Variants in PTPN4 observed in about 807,000 individuals in gnomAD.
PTPN4 encodes the protein protein tyrosine phosphatase non-receptor type 4.
A neutral mutation model predicts 135.5 loss-of-function variants in PTPN4; 49 were observed. The observed-to-expected ratio is 0.36, with a 90% CI of 0.29 to 0.46. The LOEUF is 0.46. Ranked by LOEUF, PTPN4 falls within the 20% of genes least tolerant of loss-of-function variation. The probability of loss-of-function intolerance (pLI) is 1.00; values close to 1 mark genes in which losing one functional copy is unlikely to be tolerated. For missense variants in PTPN4, 860 were observed against 1,101.0 expected, an observed-to-expected ratio of 0.78 and a Z score of 3.10; for synonymous variants, 333 against 369.9, an observed-to-expected ratio of 0.90 and a Z score of 1.14.
chr2:119,766,878 G>A (rs977273991), intron 1 of PTPN4, among the ~76,000 whole-genome samples: 1 of 152,152 alleles, frequency 6.6e-6, no homozygotes, highest in East Asian at 1.9e-4. Flanking sequence ...ATGATGCTAG[G>A]ATTTCTTCTT....
chr2:119,894,927 C>G (rs1484809772), intron 9 of PTPN4, among the ~76,000 whole-genome samples: 1 of 152,164 alleles, frequency 6.6e-6, no homozygotes. Context: ...AGTGGACACT[C>G]TAATACATTG....
chr2:119,846,951 G>A (rs1186393923), intron 2 of PTPN4, among the ~76,000 whole-genome samples: 1 of 150,930 alleles, frequency 6.6e-6, no homozygotes, highest in Non-Finnish European at 1.5e-5. Flanking sequence ...AATATATTCT[G>A]TAAAATTATT....
At position 119,809,891 on chromosome 2, in the gene PTPN4, A is replaced by G. The variant is rs1488003248; in HGVS notation, c.38A>G (p.Tyr13Cys). Residue 13 changes from tyrosine to cysteine, a missense_variant, in exon 2 of 27, where the codon TAC becomes TGC. Transcript: ENST00000263708. ...SRFRLPAGRTYNVRASELARD... is the reference protein window; with the variant it reads ...SRFRLPAGRTCNVRASELARD... Reference sequence around the variant, plus strand: ...TTCCGATTGCCTGCTGGCAGAACCTACAATGTACGAGCATCAGAGTTGGCC... The same window carrying G: ...TTCCGATTGCCTGCTGGCAGAACCTGCAATGTACGAGCATCAGAGTTGGCC... The G allele has an allele frequency of 6.2e-7, 1 of 1,613,370 alleles. No homozygotes were observed. The highest frequency in any genetic ancestry group is 1.3e-5 in the African/African-American group (1 of 74,934).
chr2:119,973,401 G>T (rs1343574457), intron 26 of PTPN4, among the ~76,000 whole-genome samples: 1 of 152,056 alleles, frequency 6.6e-6, no homozygotes, highest in African/African-American at 2.4e-5. Context: ...AGTGGACAGG[G>T]TTGCTTTTGC....
At chr2:119,886,128 G>A (rs570515802) in intron 9 of PTPN4, among the ~76,000 whole-genome samples, 5 of 152,230 alleles carry the variant, frequency 3.3e-5, no homozygotes, top group African/African-American at 1.2e-4. Flanking sequence ...CAGACCGTAA[G>A]ATATAGTACC....
At chr2:119,785,222 A>C (rs1405306868) in intron 1 of PTPN4, among the ~76,000 whole-genome samples, 1 of 152,118 alleles carries the variant, frequency 6.6e-6, no homozygotes, top group Non-Finnish European at 1.5e-5. Flanking sequence ...CTGTTTGAGA[A>C]CCACTGCTCT....
intron 10 of PTPN4, among the ~76,000 whole-genome samples, chr2:119,907,115 A>G (rs1214246859): frequency 1.3e-5 from 2 of 152,226 alleles, no homozygotes; most frequent in African/African-American, 4.8e-5. Context: ...CTCTACAACA[A>G]AAACTACAAA....
chr2:119,932,640 C>T lies in PTPN4; in HGVS notation c.1196+91C>T, dbSNP rs569057377. On this transcript the variant is annotated intron_variant, in intron 14 of 26. Transcript: ENST00000263708. ...ATTTTTATGCCTGAAGACAAAGATA[C>T]GCAAAAATTGAATTCTTTTGGTGAA... The T allele has an allele frequency of 1.9e-4, 262 of 1,379,878 alleles. 2 individuals are homozygous for T. The highest frequency in any genetic ancestry group is 2.3e-4 in the Non-Finnish European group (237 of 1,015,716). The allele number at this position is 1,379,878 out of a possible 1,614,324, so 85.5% of individuals were successfully genotyped here. A position where few individuals can be genotyped will look rare whatever the true frequency, so the allele number is the denominator to read the frequency against.
chr2:119,873,915 T>C (rs1677949458), intron 3 of PTPN4, among the ~76,000 whole-genome samples: 1 of 152,188 alleles, frequency 6.6e-6, no homozygotes. Context: ...GATTTCAAGA[T>C]GTATTAAAAC....
chr2:119,975,475 G>A (rs1050821150), intron 26 of PTPN4, among the ~76,000 whole-genome samples: 1 of 152,164 alleles, frequency 6.6e-6, no homozygotes, highest in Non-Finnish European at 1.5e-5. Flanking sequence ...TGTAATCTCA[G>A]CACTTTAGGA....
chr2:119,881,869 G>A (rs770056251), intron 6 of PTPN4, 39 bp downstream of exon 6: 1 of 1,413,334 alleles, frequency 7.1e-7, no homozygotes, highest in South Asian at 1.3e-5. Context: ...TTTTGTAATG[G>A]ACTTTAAAAA....
chr2:119,904,074 G>C (rs1678448842), intron 10 of PTPN4, among the ~76,000 whole-genome samples: 1 of 152,190 alleles, frequency 6.6e-6, no homozygotes, highest in African/African-American at 2.4e-5. Context: ...CAGATGTGCA[G>C]ATATCAACGT....
intron 3 of PTPN4, among the ~76,000 whole-genome samples, chr2:119,876,413 T>C (rs879748199): frequency 2.6e-5 from 4 of 152,158 alleles, no homozygotes; most frequent in Non-Finnish European, 4.4e-5. Context: ...TTGGATTTGA[T>C]GTGTTGGATG....
chr2:119,960,393 A>G (rs2105058347), intron 22 of PTPN4, among the ~76,000 whole-genome samples: 1 of 152,304 alleles, frequency 6.6e-6, no homozygotes, highest in South Asian at 2.1e-4. Flanking sequence ...TTCCTCACAA[A>G]TTTTACCAAT....
intron 2 of PTPN4, among the ~76,000 whole-genome samples, chr2:119,820,677 T>C (rs1677052773): frequency 6.6e-6 from 1 of 152,208 alleles, no homozygotes; most frequent in Non-Finnish European, 1.5e-5. Context: ...CTAACTCAAA[T>C]TGGATAGTTC....
chr2:119,861,517 T>C (rs1274493882), intron 2 of PTPN4, among the ~76,000 whole-genome samples: 1 of 152,190 alleles, frequency 6.6e-6, no homozygotes, highest in African/African-American at 2.4e-5. Flanking sequence ...TTTTGTTTGC[T>C]ACTTATGTTA....
intron 10 of PTPN4, 77 bp from the exon 11 acceptor site, chr2:119,915,102 T>G: frequency 8.1e-7 from 1 of 1,239,470 alleles, no homozygotes; most frequent in East Asian, 3.0e-5. Flanking sequence ...AAATATACAC[T>G]TAAAACATTT....
intron 5 of PTPN4, among the ~76,000 whole-genome samples, chr2:119,879,355 A>T (rs1159268446): frequency 6.6e-6 from 1 of 152,212 alleles, no homozygotes; most frequent in African/African-American, 2.4e-5. Flanking sequence ...ATCAAGTTTG[A>T]TGGTAGTCAA....
intron 1 of PTPN4, among the ~76,000 whole-genome samples, chr2:119,803,323 T>C (rs1276626304): frequency 6.6e-6 from 1 of 152,200 alleles, no homozygotes; most frequent in Non-Finnish European, 1.5e-5. Context: ...TTGCTGTAGA[T>C]TTCTGTCAGC....
Sources: allele counts gnomAD v4.1 joint callset (sites outside exome capture counted in the v4.1 genomes callset), GRCh38; gene constraint gnomAD v4.1.1; transcripts MANE v1.5; gene names NCBI Gene and HGNC (gene_info 2026-07-23, HGNC 2026-07-21).